PCDHGA5: variants seen among roughly 807,000 people sequenced by gnomAD.
PCDHGA5 encodes protocadherin gamma subfamily A, 5.
In PCDHGA5, 36 loss-of-function variants were observed where a neutral mutation model predicts 56.7. The ratio of observed to expected loss-of-function variants is 0.64; its 90% confidence interval spans 0.49 to 0.84. The LOEUF (loss-of-function observed/expected upper bound fraction) is 0.84. Ranked by LOEUF, PCDHGA5 falls within the 40% of genes least tolerant of loss-of-function variation. The pLI is 0.00. For missense variants in PCDHGA5, 1,305 were observed against 1,201.5 expected (o/e 1.09, Z -1.27); for synonymous variants, 563 against 520.2 (o/e 1.08, Z -1.12).
chr5:141,493,784 T>A lies in PCDHGA5; in HGVS notation c.2422-1023T>A, dbSNP rs1368708028. ...AGCCACTGGCAGTTCCGGAGCTTCC[T>A]TCTCCCTGGAGTAATCTGAGATACT... On this transcript the variant is annotated intron_variant, in intron 1 of 3. Coordinates refer to ENST00000518069, the MANE Select transcript of PCDHGA5 (RefSeq NM_018918.3). This position sits in a 1 kb window ranked among gnomAD's most constrained non-coding sequence, Gnocchi z 4.3. 1.3e-5 allele frequency among the ~76,000 whole-genome samples: 2 copies of A among 152,194 alleles called. No individual in the cohort carries two copies. Among genetic ancestry groups the A allele is most frequent in the Non-Finnish European group, 2.9e-5 (2 of 68,032 alleles).
chr5:141,420,846 T>C (rs2096528755), intron 1 of PCDHGA5, among the ~76,000 whole-genome samples: 1 of 152,252 alleles, frequency 6.6e-6, no homozygotes, highest in Non-Finnish European at 1.5e-5. Context: ...GTGTTCTTGG[T>C]AAAGTTTTAA....
chr5:141,486,489 G>T lies in PCDHGA5; in HGVS notation c.2422-8318G>T. 2 of 1,614,060 alleles carry T rather than the reference G, an allele frequency of 1.2e-6. No homozygotes were observed. The highest frequency in any genetic ancestry group is 1.7e-6 in the Non-Finnish European group (2 of 1,179,892). ...GGGAACCCTCCTCTCAGTACCCACA[G>T]AACTATTTTCCTCAATATTTCAGAT... On this transcript the variant is annotated intron_variant, in intron 1 of 3. Coordinates refer to ENST00000518069, the MANE Select transcript of PCDHGA5 (RefSeq NM_018918.3). The surrounding 1 kb of genome is among the most constrained non-coding windows in gnomAD (Gnocchi z 5.0).
chr5:141,414,116 A>C (rs760214999), intron 1 of PCDHGA5: 2 of 1,592,434 alleles, frequency 1.3e-6, no homozygotes, highest in Non-Finnish European at 1.7e-6. Context: ...CTAGATTATG[A>C]AGAAACCGGT....
intron 1 of PCDHGA5, chr5:141,423,114 A>G: frequency 1.9e-6 from 3 of 1,613,848 alleles, no homozygotes; most frequent in Non-Finnish European, 1.7e-6. Context: ...AGGTGCGTAC[A>G]GCGCGGGCAC....
At chr5:141,378,906 G>A (rs561615275) in intron 1 of PCDHGA5, 2 of 152,278 alleles carry the variant, frequency 1.3e-5, no homozygotes, top group African/African-American at 2.4e-5. Context: ...TTCTGTTATC[G>A]ACAGTCTTCA....
chr5:141,427,013 T>A, intron 1 of PCDHGA5: 2 of 456,846 alleles, frequency 4.4e-6, no homozygotes, highest in Non-Finnish European at 8.8e-6. Flanking sequence ...TTAGCCAGGA[T>A]GTATACAAAG....
intron 1 of PCDHGA5, among the ~76,000 whole-genome samples, chr5:141,472,039 A>T (rs913132856): frequency 1.3e-5 from 2 of 152,200 alleles, no homozygotes; most frequent in Non-Finnish European, 2.9e-5. Context: ...AGCTGTGAAA[A>T]GATTTTAAAA....
chr5:141,456,275 G>A (rs1234663731), intron 1 of PCDHGA5, among the ~76,000 whole-genome samples: 1 of 152,142 alleles, frequency 6.6e-6, no homozygotes, highest in Non-Finnish European at 1.5e-5. Flanking sequence ...GCTACTTCCT[G>A]CTGAAAAGGG....
intron 1 of PCDHGA5, among the ~76,000 whole-genome samples, chr5:141,435,264 T>C (rs1442193276): frequency 5.3e-5 from 8 of 152,222 alleles, no homozygotes; most frequent in Non-Finnish European, 8.8e-5. Context: ...GATATGTCCA[T>C]TTATACTTTC....
chr5:141,410,245 C>T, intron 1 of PCDHGA5: 1 of 1,614,038 alleles, frequency 6.2e-7, no homozygotes. Context: ...GCCCTGTACT[C>T]TCTGACCCCC....
intron 1 of PCDHGA5, 168 bp downstream of exon 1, chr5:141,366,919 ATTCTGTTT>A: frequency 1.8e-6 from 2 of 1,085,760 alleles, no homozygotes; most frequent in Non-Finnish European, 2.5e-6. Flanking sequence ...TTGTTTTCAA[ATTCTGTTT>A]TGGGAAGTCT....
At chr5:141,386,087 A>G (rs1331014845) in intron 1 of PCDHGA5, 2 of 152,268 alleles carry the variant, frequency 1.3e-5, no homozygotes, top group Non-Finnish European at 2.9e-5. Context: ...TGGTACAGCC[A>G]GATGAAGTGT....
intron 1 of PCDHGA5, chr5:141,414,917 T>A: frequency 6.2e-7 from 1 of 1,614,148 alleles, no homozygotes; most frequent in Non-Finnish European, 8.5e-7. Context: ...GGCGTGGAGC[T>A]GGCGCCCCGC....
chr5:141,443,849 T>A (rs1233479391), intron 1 of PCDHGA5, among the ~76,000 whole-genome samples: 2 of 152,136 alleles, frequency 1.3e-5, no homozygotes, highest in Admixed American at 1.3e-4. Flanking sequence ...ATATGGAAAG[T>A]CTGAAAACTG....
chr5:141,369,142 G>A (rs1302830150), intron 1 of PCDHGA5, among the ~76,000 whole-genome samples: 1 of 152,140 alleles, frequency 6.6e-6, no homozygotes, highest in Non-Finnish European at 1.5e-5. Context: ...ATGGAAAATG[G>A]CATGTTATTG....
chr5:141,383,147 G>C, intron 1 of PCDHGA5: 1 of 1,614,150 alleles, frequency 6.2e-7, no homozygotes, highest in South Asian at 1.1e-5. Flanking sequence ...CGCAGCGGCA[G>C]CTTGGTCACT....
intron 3 of PCDHGA5, 57 bp from the exon 4 acceptor site, chr5:141,510,890 A>G (rs1434557860): frequency 1.2e-5 from 20 of 1,612,748 alleles, no homozygotes; most frequent in South Asian, 3.3e-5. Context: ...GATATAAGAC[A>G]GTGACTGTTG....
Position 141,476,715 on chromosome 5 carries a change from G to C in PCDHGA5, c.2422-18092G>C. 6.2e-7 allele frequency: 1 copy of C among 1,614,168 alleles called. No individual in the cohort carries two copies. The highest frequency in any genetic ancestry group is 8.5e-7 in the Non-Finnish European group (1 of 1,180,030). On this transcript the variant is annotated intron_variant, in intron 1 of 3. Transcript: ENST00000518069. The surrounding 1 kb of genome is among the most constrained non-coding windows in gnomAD (Gnocchi z 7.6). ...AAGTACGCGGAGCTGGTGTTGGAGC[G>C]CGCCCTGGACCGAGAACGGGAGCCT...
At chr5:141,395,517 T>G in intron 1 of PCDHGA5, 2 of 415,414 alleles carry the variant, frequency 4.8e-6, no homozygotes, top group Non-Finnish European at 4.3e-6. Context: ...TAGCTACCCG[T>G]CCATACTGGT....
Sources: gnomAD v4.1 joint callset for allele counts (sites outside exome capture counted in the v4.1 genomes callset) on GRCh38, gnomAD v4.1.1 for gene constraint, Gnocchi (gnomAD v3.1) non-coding constraint, MANE v1.5 for transcripts, NCBI Gene and HGNC (gene_info 2026-07-23, HGNC 2026-07-21) for gene names.